The following EGFR variants were observed in gnomAD, a reference collection of about 807,000 sequenced individuals.
EGFR encodes epidermal growth factor receptor.
Under a neutral mutation model 143.0 loss-of-function variants are expected in EGFR, and 58 were observed. The ratio of observed to expected loss-of-function variants is 0.41; its 90% confidence interval spans 0.33 to 0.50. The LOEUF is 0.50. Ranked by LOEUF, EGFR falls within the 20% of genes least tolerant of loss-of-function variation. The probability of loss-of-function intolerance (pLI) is 0.39; values close to 1 mark genes in which losing one functional copy is unlikely to be tolerated. For synonymous variants in EGFR, 613 were observed against 594.4 expected (o/e 1.03, Z -0.45); for missense variants, 1,307 against 1,579.0 (o/e 0.83, Z 2.92).
At chr7:55,081,182 G>T (rs902631078) in intron 1 of EGFR, among the ~76,000 whole-genome samples, 1 of 152,124 alleles carries the variant, frequency 6.6e-6, no homozygotes, top group Non-Finnish European at 1.5e-5. Context: ...CATACTTTTG[G>T]CAGGGTTCCT....
At position 55,206,040 on chromosome 7, in the gene EGFR, A is replaced by G; in HGVS notation, c.*423A>G. ...AGCACTTGCTACCCTGAGTTCATCC[A>G]GGCCCAACTGTGAGCAAGGAGCACA... On this transcript the variant is annotated 3_prime_UTR_variant, in exon 28 of 28. Coordinates refer to ENST00000275493, the MANE Select transcript of EGFR (RefSeq NM_005228.5). 1 of 368,966 alleles carries G rather than the reference A, an allele frequency of 2.7e-6. No individual in the cohort carries two copies. Among genetic ancestry groups the G allele is most frequent in the African/African-American group, 2.1e-5 (1 of 48,234 alleles). 22.9% of individuals were successfully genotyped at this position (368,966 alleles called of 1,614,324 possible).
intron 1 of EGFR, among the ~76,000 whole-genome samples, chr7:55,020,842 C>T (rs1388461782): frequency 6.6e-6 from 1 of 151,136 alleles, no homozygotes; most frequent in Non-Finnish European, 1.5e-5. Flanking sequence ...AGGCATAGAA[C>T]AGTGGTTCCC....
At chr7:55,045,478 T>G (rs1788134953) in intron 1 of EGFR, among the ~76,000 whole-genome samples, 1 of 152,366 alleles carries the variant, frequency 6.6e-6, no homozygotes, top group South Asian at 2.1e-4. Context: ...CAGAAGGGGT[T>G]AGACTTCATG....
At chr7:55,100,877 T>G (rs922403164) in intron 1 of EGFR, among the ~76,000 whole-genome samples, 1 of 152,254 alleles carries the variant, frequency 6.6e-6, no homozygotes, top group Non-Finnish European at 1.5e-5. Context: ...CCAGAGGCAA[T>G]ATGCTCCATT....
At chr7:55,072,128 C>T (rs1461810888) in intron 1 of EGFR, among the ~76,000 whole-genome samples, 1 of 150,222 alleles carries the variant, frequency 6.7e-6, no homozygotes, top group East Asian at 1.9e-4. Context: ...CGTATGTGAC[C>T]TGCAGGGAAG....
chr7:55,171,360 C>T, intron 16 of EGFR, 147 bp downstream of exon 16: 1 of 1,139,454 alleles, frequency 8.8e-7, no homozygotes. Context: ...GCCAGGGTTT[C>T]TGCAGAGACT....
intron 1 of EGFR, among the ~76,000 whole-genome samples, chr7:55,127,499 C>G (rs1007466327): frequency 4.3e-5 from 6 of 141,156 alleles, no homozygotes; most frequent in Non-Finnish European, 9.3e-5. Flanking sequence ...AATTCTTAAA[C>G]TAAAGCACAA....
intron 1 of EGFR, among the ~76,000 whole-genome samples, chr7:55,029,593 C>T (rs939460261): frequency 6.6e-6 from 1 of 152,108 alleles, no homozygotes; most frequent in Non-Finnish European, 1.5e-5. Context: ...ATATAATTTT[C>T]AAAAGTTAGA....
At chr7:55,181,695 T>C (rs1786888511) in intron 20 of EGFR, 13 of 620,752 alleles carry the variant, frequency 2.1e-5, no homozygotes, top group Admixed American at 1.6e-4. Flanking sequence ...ATCAATCAGC[T>C]ACCTTTGAAG....
At chr7:55,089,816 C>A (rs555246095) in intron 1 of EGFR, among the ~76,000 whole-genome samples, 111 of 152,256 alleles carry the variant, frequency 7.3e-4, no homozygotes, top group African/African-American at 2.5e-3. Context: ...GACCACCACA[C>A]GGGATTTGCT....
chr7:55,063,180 A>G (rs1055522189), intron 1 of EGFR, among the ~76,000 whole-genome samples: 2 of 152,200 alleles, frequency 1.3e-5, no homozygotes, highest in Non-Finnish European at 2.9e-5. Flanking sequence ...ATGAAGAAAT[A>G]TGTGCCCGGA....
chr7:55,101,822 T>C (rs1791848316), intron 1 of EGFR, among the ~76,000 whole-genome samples: 1 of 152,208 alleles, frequency 6.6e-6, no homozygotes, highest in Non-Finnish European at 1.5e-5. Context: ...TCAACAGTTC[T>C]CCACAGCATA....
At position 55,146,530 on chromosome 7, in the gene EGFR, C is replaced by A. The variant is rs376329436; in HGVS notation, c.425-76C>A. On this transcript the variant is annotated intron_variant, in intron 3 of 27. Coordinates refer to ENST00000275493, the MANE Select transcript of EGFR (RefSeq NM_005228.5). ...GCATCTCTTTAGCAGAACATAAATG[C>A]GAAGAGCACATGCATCCTTCATGGG... 5.0e-5 allele frequency: 80 copies of A among 1,601,466 alleles called. No individual in the cohort carries two copies. In the Middle Eastern group the frequency reaches 1.1e-3, roughly 21 times the overall value.
At chr7:55,095,702 G>A (rs150649117) in intron 1 of EGFR, among the ~76,000 whole-genome samples, 35 of 137,976 alleles carry the variant, frequency 2.5e-4, no homozygotes, top group Non-Finnish European at 4.0e-4. Flanking sequence ...CACGCACACA[G>A]CACACAGAGA....
At chr7:55,055,901 T>C (rs1788785077) in intron 1 of EGFR, among the ~76,000 whole-genome samples, 1 of 152,160 alleles carries the variant, frequency 6.6e-6, no homozygotes, top group Non-Finnish European at 1.5e-5. Context: ...TTCACCACAG[T>C]GCTCAACATG....
At chr7:55,135,037 C>T (rs1362596822) in intron 1 of EGFR, among the ~76,000 whole-genome samples, 2 of 152,202 alleles carry the variant, frequency 1.3e-5, no homozygotes, top group South Asian at 2.1e-4. Context: ...TCACTGGAAG[C>T]ATATTCCACA....
rs115163453 is a variant in EGFR, at chr7:55,149,407, G to T, written c.560-1887G>T. On this transcript the variant is annotated intron_variant, in intron 4 of 27. Coordinates refer to ENST00000275493, the MANE Select transcript of EGFR (RefSeq NM_005228.5). Reference sequence around the variant, plus strand: ...CACATACACACACACACACAAATATGGCCAAGAAATAAAGTAAAATGTTAT... The same window carrying T: ...CACATACACACACACACACAAATATTGCCAAGAAATAAAGTAAAATGTTAT... Among the ~76,000 whole-genome samples, 846 of 151,858 alleles carry T rather than the reference G, an allele frequency of 5.6e-3. 16 individuals are homozygous for T. Among genetic ancestry groups the T allele is most frequent in the African/African-American group, 0.019 (780 of 41,402 alleles).
intron 22 of EGFR, among the ~76,000 whole-genome samples, chr7:55,194,912 A>G (rs533242336): frequency 6.6e-6 from 1 of 152,262 alleles, no homozygotes; most frequent in South Asian, 2.1e-4. Context: ...TGTTTTCTCT[A>G]CTCTCTAGTC....
chr7:55,104,698 C>T (rs1792026819), intron 1 of EGFR, among the ~76,000 whole-genome samples: 1 of 152,226 alleles, frequency 6.6e-6, no homozygotes, highest in Non-Finnish European at 1.5e-5. Flanking sequence ...GGCACTGCCC[C>T]TCTTCCCCTC....
Sources: gnomAD v4.1 joint callset for allele counts (sites outside exome capture counted in the v4.1 genomes callset) on GRCh38, gnomAD v4.1.1 for gene constraint, MANE v1.5 for transcripts, NCBI Gene and HGNC (gene_info 2026-07-23, HGNC 2026-07-21) for gene names.